Variants in ZNF618 observed in about 807,000 individuals in gnomAD.
ZNF618 encodes zinc finger protein 618.
In ZNF618, 34 loss-of-function variants were observed where a neutral mutation model predicts 103.0. That is an observed-to-expected ratio of 0.33 (90% CI 0.25 to 0.44). The LOEUF (loss-of-function observed/expected upper bound fraction) is 0.44. Ranked by LOEUF, ZNF618 falls within the 20% of genes least tolerant of loss-of-function variation. The probability of loss-of-function intolerance (pLI) is 1.00; values close to 1 mark genes in which losing one functional copy is unlikely to be tolerated. For missense variants in ZNF618, 1,059 were observed against 1,295.4 expected (o/e 0.82, Z 2.80); for synonymous variants, 551 against 542.2 (o/e 1.02, Z -0.23).
intron 4 of ZNF618, 82 bp downstream of exon 4, chr9:113,998,436 C>T: frequency 1.6e-6 from 2 of 1,279,270 alleles, no homozygotes; most frequent in Non-Finnish European, 2.2e-6. Context: ...CAGTTACAGA[C>T]CTGAGTAAGC....
At chr9:113,966,441 A>G (rs1004216908) in intron 1 of ZNF618, among the ~76,000 whole-genome samples, 1 of 152,204 alleles carries the variant, frequency 6.6e-6, no homozygotes, top group African/African-American at 2.4e-5. Flanking sequence ...AGGTTGAATC[A>G]TATGAAACTG....
At chr9:113,911,388 GTGCAATCTCGGCTCAC>G (rs1168510659) in intron 1 of ZNF618, among the ~76,000 whole-genome samples, 1 of 152,048 alleles carries the variant, frequency 6.6e-6, no homozygotes. Context: ...GAGTACAATG[GTGCAATCTCGGCTCAC>G]TGCAACCTCT....
At chr9:113,947,320 A>G (rs1443717277) in intron 1 of ZNF618, among the ~76,000 whole-genome samples, 2 of 152,186 alleles carry the variant, frequency 1.3e-5, no homozygotes, top group Non-Finnish European at 2.9e-5. Context: ...TCCTCTGGAC[A>G]ATTGAGATAA....
intron 1 of ZNF618, among the ~76,000 whole-genome samples, chr9:113,963,824 T>C (rs1336300577): frequency 6.6e-6 from 1 of 152,134 alleles, no homozygotes; most frequent in African/African-American, 2.4e-5. Flanking sequence ...GACATGGTCA[T>C]GTGTGGGATG....
intron 10 of ZNF618, among the ~76,000 whole-genome samples, chr9:114,026,084 A>T (rs957962538): frequency 6.6e-6 from 1 of 152,230 alleles, no homozygotes; most frequent in African/African-American, 2.4e-5. Context: ...ATGGTCCCAG[A>T]TGGGGAGTTT....
At chr9:113,915,777 A>G (rs1832016104) in intron 1 of ZNF618, among the ~76,000 whole-genome samples, 1 of 152,160 alleles carries the variant, frequency 6.6e-6, no homozygotes. Context: ...AGACAGACAG[A>G]CAGATACTAG....
chr9:113,975,490 T>C (rs1564243202), intron 2 of ZNF618, among the ~76,000 whole-genome samples: 1 of 152,200 alleles, frequency 6.6e-6, no homozygotes, highest in Non-Finnish European at 1.5e-5. Context: ...GCAATTTCCT[T>C]TGCACAAAAT....
At chr9:114,013,442 A>G (rs1842415006) in intron 9 of ZNF618, among the ~76,000 whole-genome samples, 1 of 152,038 alleles carries the variant, frequency 6.6e-6, no homozygotes, top group Non-Finnish European at 1.5e-5. Flanking sequence ...TTTATTTTTT[A>G]TTTTTTGAGA....
chr9:113,954,936 T>C (rs1204681905), intron 1 of ZNF618, among the ~76,000 whole-genome samples: 1 of 152,152 alleles, frequency 6.6e-6, no homozygotes, highest in Non-Finnish European at 1.5e-5. Flanking sequence ...TTCCATAATT[T>C]TACTTCTTGC....
intron 1 of ZNF618, among the ~76,000 whole-genome samples, chr9:113,924,162 G>T (rs1832875991): frequency 6.6e-6 from 1 of 151,960 alleles, no homozygotes; most frequent in African/African-American, 2.4e-5. Flanking sequence ...TTTTTTGAAA[G>T]TTTATTAATT....
Position 113,972,633 on chromosome 9 carries a change from A to G in ZNF618, c.77+3473A>G, listed in dbSNP as rs565431857. Reference sequence around the variant, plus strand: ...TGCTGTAGGCTGGAGGCCTATCAAGAAGGTGGGACTCTGGAGGAGCTCACA... The same window carrying G: ...TGCTGTAGGCTGGAGGCCTATCAAGGAGGTGGGACTCTGGAGGAGCTCACA... On this transcript the variant is annotated intron_variant, in intron 2 of 14. Transcript: ENST00000374126. Among the ~76,000 whole-genome samples, 7 of 152,292 alleles carry G rather than the reference A, an allele frequency of 4.6e-5. No individual in the cohort carries two copies. In the East Asian group the frequency reaches 1.4e-3, roughly 29 times the overall value.
At chr9:113,993,102 A>G (rs1840230909) in intron 3 of ZNF618, among the ~76,000 whole-genome samples, 1 of 152,232 alleles carries the variant, frequency 6.6e-6, no homozygotes, top group Non-Finnish European at 1.5e-5. Flanking sequence ...GCCTGCACCC[A>G]TCTGACAGGC....
chr9:113,933,216 G>T (rs1313379661), intron 1 of ZNF618, among the ~76,000 whole-genome samples: 1 of 152,172 alleles, frequency 6.6e-6, no homozygotes, highest in African/African-American at 2.4e-5. Context: ...CAACAGAATG[G>T]GAACTGAGGT....
intron 6 of ZNF618, among the ~76,000 whole-genome samples, chr9:114,003,604 A>G (rs554293884): frequency 2.9e-4 from 44 of 152,356 alleles, no homozygotes; most frequent in African/African-American, 1.0e-3. Context: ...CCAGGCGTAA[A>G]CAGAGTTCAG....
intron 1 of ZNF618, among the ~76,000 whole-genome samples, chr9:113,905,608 T>A (rs1468566361): frequency 6.6e-6 from 1 of 152,250 alleles, no homozygotes; most frequent in African/African-American, 2.4e-5. Context: ...TTCTCCACTT[T>A]GGCTATTGGG....
At chr9:113,976,128 C>T (rs1353498100) in intron 2 of ZNF618, among the ~76,000 whole-genome samples, 1 of 152,092 alleles carries the variant, frequency 6.6e-6, no homozygotes, top group Non-Finnish European at 1.5e-5. Flanking sequence ...TGGAGACAGC[C>T]ACAGAAATGC....
chr9:114,048,625 C>G, intron 14 of ZNF618, 26 bp from the exon 15 acceptor site: 1 of 1,586,618 alleles, frequency 6.3e-7, no homozygotes, highest in Non-Finnish European at 8.6e-7. Context: ...AGAATTAATC[C>G]CATCTGTCTT....
At chr9:113,901,870 G>A (rs1353987434) in intron 1 of ZNF618, among the ~76,000 whole-genome samples, 1 of 152,040 alleles carries the variant, frequency 6.6e-6, no homozygotes, top group Non-Finnish European at 1.5e-5. Flanking sequence ...TCCTCTGCGT[G>A]TCTAACTGGT....
chr9:113,915,254 C>T (rs1831960688), intron 1 of ZNF618, among the ~76,000 whole-genome samples: 1 of 152,188 alleles, frequency 6.6e-6, no homozygotes, highest in Non-Finnish European at 1.5e-5. Flanking sequence ...CTCAAAGCTT[C>T]TGCCCTGCCT....
Sources: allele counts gnomAD v4.1 joint callset (sites outside exome capture counted in the v4.1 genomes callset), GRCh38; gene constraint gnomAD v4.1.1; transcripts MANE v1.5; gene names NCBI Gene and HGNC (gene_info 2026-07-23, HGNC 2026-07-21).